The following GATAD2A variants were observed in gnomAD, a reference collection of about 807,000 sequenced individuals.
GATAD2A encodes GATA zinc finger domain containing 2A.
Under a neutral mutation model 68.5 loss-of-function variants are expected in GATAD2A, and 12 were observed. The observed-to-expected ratio is 0.18, with a 90% CI of 0.11 to 0.28. GATAD2A has a LOEUF of 0.28. GATAD2A is among the 10% of genes least tolerant of loss of function. The pLI is 1.00. For synonymous variants in GATAD2A, 410 were observed against 375.3 expected (o/e 1.09, Z -1.07); for missense variants, 755 against 868.5 (o/e 0.87, Z 1.64).
chr19:19,425,993 G>A (rs1386791144), intron 1 of GATAD2A, among the ~76,000 whole-genome samples: 1 of 152,086 alleles, frequency 6.6e-6, no homozygotes, highest in African/African-American at 2.4e-5. Context: ...TTGCTATGTT[G>A]TCCAGGCTGG....
intron 1 of GATAD2A, among the ~76,000 whole-genome samples, chr19:19,446,509 T>C (rs1385871806): frequency 3.9e-5 from 6 of 152,026 alleles, no homozygotes; most frequent in Non-Finnish European, 8.8e-5. Flanking sequence ...TATAATGCCC[T>C]TTGCACAAAA....
chr19:19,433,746 C>T (rs964797188), intron 1 of GATAD2A, among the ~76,000 whole-genome samples: 30 of 152,140 alleles, frequency 2.0e-4, no homozygotes, highest in African/African-American at 6.5e-4. Context: ...TAAAATTATT[C>T]TCATTTATTA....
At position 19,505,478 on chromosome 19, in the gene GATAD2A, G is replaced by A. The variant is rs765101597; in HGVS notation, c.*4G>A. Reference sequence around the variant, plus strand: ...CCAGTCAGCCACGTGGAAATAGTGCGAGCCAGGCCCCGTGGAAGACGGGCT... The same window carrying A: ...CCAGTCAGCCACGTGGAAATAGTGCAAGCCAGGCCCCGTGGAAGACGGGCT... On this transcript the variant is annotated 3_prime_UTR_variant, in exon 12 of 12. Transcript: ENST00000683918. 7.6e-6 allele frequency: 12 copies of A among 1,582,318 alleles called. No homozygotes were observed. The highest frequency in any genetic ancestry group is 4.1e-5 in the African/African-American group (3 of 73,324).
intron 1 of GATAD2A, among the ~76,000 whole-genome samples, chr19:19,415,577 G>A (rs888109462): frequency 6.6e-6 from 1 of 150,758 alleles, no homozygotes; most frequent in African/African-American, 2.4e-5. Context: ...AGCCTCCCAA[G>A]TAGCTGCGAT....
At chr19:19,419,129 CAT>C (rs1465042822) in intron 1 of GATAD2A, among the ~76,000 whole-genome samples, 1 of 152,156 alleles carries the variant, frequency 6.6e-6, no homozygotes, top group Non-Finnish European at 1.5e-5. Context: ...CATTGCCTCA[CAT>C]GTGTGAGCAC....
rs371295307 is a variant in GATAD2A, at chr19:19,501,222, A to T, written c.1309A>T (p.Ile437Phe). 6.2e-7 allele frequency: 1 copy of T among 1,613,366 alleles called. No individual in the cohort carries two copies. The highest frequency in any genetic ancestry group is 8.5e-7 in the Non-Finnish European group (1 of 1,180,012). The change falls in exon 9 of 12, where the codon ATC becomes TTC. Residue 437 changes from isoleucine (I) to phenylalanine (F), a missense_variant. Transcript: ENST00000683918. Reference protein sequence around the residue: ...CRWREEKSGAIMCENCMTTNQ... With the variant: ...CRWREEKSGAFMCENCMTTNQ... ...CTGGCGGGAGGAGAAGAGCGGCGCC[A>T]TCATGTGTGAGAACTGCATGACAAC... is the stretch of plus-strand genomic sequence containing the variant.
intron 2 of GATAD2A, among the ~76,000 whole-genome samples, chr19:19,484,225 C>T (rs1020706915): frequency 2.6e-5 from 4 of 152,084 alleles, no homozygotes; most frequent in Admixed American, 1.3e-4. Context: ...CCACTGTGCT[C>T]CAGCGTAGGC....
intron 2 of GATAD2A, among the ~76,000 whole-genome samples, chr19:19,471,268 AAAAG>A (rs1384532471): frequency 6.6e-6 from 1 of 152,102 alleles, no homozygotes; most frequent in African/African-American, 2.4e-5. Context: ...AAAAAAAAAA[AAAAG>A]TGGAAGCAAC....
chr19:19,385,974 A>T (rs1254335235), exon 1 of GATAD2A: 2 of 149,206 alleles, frequency 1.3e-5, no homozygotes, highest in African/African-American at 4.9e-5. Context: ...CCGCCCGCGC[A>T]GTCGGTCGGT....
intron 1 of GATAD2A, among the ~76,000 whole-genome samples, chr19:19,390,444 C>T (rs543516933): frequency 1.3e-5 from 2 of 152,158 alleles, no homozygotes; most frequent in East Asian, 3.9e-4. Context: ...TAAAAATGCC[C>T]AAAGAGAAAG....
Position 19,506,135 on chromosome 19 carries a change from G to T in GATAD2A, c.*661G>T. 1 of 398,976 alleles carries T rather than the reference G, an allele frequency of 2.5e-6. No homozygotes were observed. The highest frequency in any genetic ancestry group is 4.4e-6 in the Non-Finnish European group (1 of 226,058). 24.7% of individuals were successfully genotyped at this position (398,976 alleles called of 1,614,324 possible). A position where few individuals can be genotyped will look rare whatever the true frequency, so the allele number is the denominator to read the frequency against. On this transcript the variant is annotated 3_prime_UTR_variant, in exon 12 of 12. Coordinates refer to ENST00000683918, the MANE Select transcript of GATAD2A (RefSeq NM_001384528.1). ...TGGCAGGGACGGCCGGCCCGCCCCC[G>T]TGACTGACTGACAGATGCAGGGATG...
intron 11 of GATAD2A, 28 bp from the exon 12 acceptor site, chr19:19,505,316 C>G: frequency 6.2e-7 from 1 of 1,610,436 alleles, no homozygotes; most frequent in South Asian, 1.1e-5. Context: ...CGAGGGCCTT[C>G]TCAGCTGGTC....
At chr19:19,436,236 T>C in intron 1 of GATAD2A, 1 of 1,321,560 alleles carries the variant, frequency 7.6e-7, no homozygotes, top group Non-Finnish European at 1.0e-6. Context: ...GCTTGGGGTG[T>C]AGTGTCTGTG....
intron 2 of GATAD2A, among the ~76,000 whole-genome samples, chr19:19,470,006 C>G (rs1448399003): frequency 6.6e-6 from 1 of 151,782 alleles, no homozygotes; most frequent in Non-Finnish European, 1.5e-5. Flanking sequence ...AGTGACGCCC[C>G]TTAGATTCAA....
chr19:19,482,396 G>A (rs933214059), intron 2 of GATAD2A, among the ~76,000 whole-genome samples: 5 of 152,126 alleles, frequency 3.3e-5, no homozygotes, highest in Non-Finnish European at 2.9e-5. Flanking sequence ...AGAGGGAGAC[G>A]CTTGTCTCCA....
intron 1 of GATAD2A, among the ~76,000 whole-genome samples, chr19:19,424,546 A>AT (rs1352787361): frequency 6.6e-6 from 1 of 151,614 alleles, no homozygotes; most frequent in Non-Finnish European, 1.5e-5. Flanking sequence ...GAGTTTTTAA[A>AT]TTTTTTGTAG....
chr19:19,488,462 G>A (rs1490399727), intron 2 of GATAD2A, among the ~76,000 whole-genome samples: 2 of 152,258 alleles, frequency 1.3e-5, no homozygotes, highest in Non-Finnish European at 2.9e-5. Flanking sequence ...AAAGGTCCCA[G>A]CCTCCAAGGA....
At chr19:19,505,194 CGTT>C (rs1600321655) in intron 11 of GATAD2A, 147 bp from the exon 12 acceptor site, 1 of 668,182 alleles carries the variant, frequency 1.5e-6, no homozygotes, top group Non-Finnish European at 2.6e-6. Flanking sequence ...GGATTTGAAA[CGTT>C]GATTGAGGAG....
chr19:19,458,954 T>G (rs1332602452), intron 1 of GATAD2A, among the ~76,000 whole-genome samples: 1 of 152,086 alleles, frequency 6.6e-6, no homozygotes, highest in Non-Finnish European at 1.5e-5. Flanking sequence ...GGTACTGTCT[T>G]TCTTTGTTAG....
Sources: gnomAD v4.1 joint callset for allele counts (sites outside exome capture counted in the v4.1 genomes callset) on GRCh38, gnomAD v4.1.1 for gene constraint, MANE v1.5 for transcripts, NCBI Gene and HGNC (gene_info 2026-07-23, HGNC 2026-07-21) for gene names.